The following GAB2 variants were observed in gnomAD, a reference collection of about 807,000 sequenced individuals.
GAB2 encodes GRB2-associated-binding protein 2.
GAB2 carries 26 observed loss-of-function variants against 65.5 expected under a neutral mutation model. That is an observed-to-expected ratio of 0.40 (90% CI 0.29 to 0.55). The LOEUF (loss-of-function observed/expected upper bound fraction) is 0.55, where lower values mean the gene tolerates loss of function less well. Ranked by LOEUF, GAB2 falls within the 20% of genes least tolerant of loss-of-function variation. The pLI is 0.53. For synonymous variants in GAB2, 321 were observed against 329.6 expected (o/e 0.97, Z 0.28); for missense variants, 884 against 875.8 (o/e 1.01, Z -0.12).
intron 1 of GAB2, among the ~76,000 whole-genome samples, chr11:78,323,790 CTTTTTTTTT>C (rs749282969): frequency 6.2e-4 from 48 of 77,264 alleles, no homozygotes; most frequent in African/African-American, 1.0e-3. Flanking sequence ...CTGAATCTTT[CTTTTTTTTT>C]TTTTTTTTTT....
chr11:78,389,754 A>T (rs1331446779), intron 1 of GAB2, among the ~76,000 whole-genome samples: 1 of 152,228 alleles, frequency 6.6e-6, no homozygotes, highest in East Asian at 1.9e-4. Context: ...TGTTATTTTC[A>T]AAACAGAATT....
chr11:78,296,097 T>C (rs1455996933), intron 1 of GAB2, among the ~76,000 whole-genome samples: 1 of 152,198 alleles, frequency 6.6e-6, no homozygotes, highest in Non-Finnish European at 1.5e-5. Flanking sequence ...CAGTTCACAA[T>C]AGAGTTTACT....
chr11:78,238,206 C>CAAAAA (rs10541492), intron 3 of GAB2, among the ~76,000 whole-genome samples: 1,591 of 103,146 alleles, frequency 0.015, no homozygotes, highest in Non-Finnish European at 0.022. Flanking sequence ...AGGGAAGAAA[C>CAAAAA]AAAAAAAAAA....
At chr11:78,414,554 G>A (rs1428599464) in intron 1 of GAB2, among the ~76,000 whole-genome samples, 5 of 151,984 alleles carry the variant, frequency 3.3e-5, no homozygotes, top group East Asian at 3.9e-4. Flanking sequence ...ATACATGTAC[G>A]TGTGTATGCA....
chr11:78,350,253 C>T lies in GAB2; in HGVS notation c.75+67393G>A, dbSNP rs1259817509. Among the ~76,000 whole-genome samples, 6 of 152,278 alleles carry T rather than the reference C, an allele frequency of 3.9e-5. No individual in the cohort carries two copies. The East Asian group carries it at 1.2e-3, about 29-fold the overall frequency. On this transcript the variant is annotated intron_variant, in intron 1 of 9. Transcript: ENST00000361507. ...GAGAGAGAAACCCTGGGAAACTAGG[C>T]TCTAGCGGGTAGCTCAGGAGGGGAA...
At chr11:78,306,295 C>A (rs10793298) in intron 1 of GAB2, among the ~76,000 whole-genome samples, 43,842 of 151,916 alleles carry the variant, frequency 0.29, 8,027 homozygotes, top group African/African-American at 0.51. Context: ...CAGTGGTGCG[C>A]CCTTGGCTCA....
intron 7 of GAB2, 60 bp from the exon 8 acceptor site, chr11:78,221,839 G>T: frequency 8.2e-7 from 1 of 1,215,598 alleles, no homozygotes; most frequent in Non-Finnish European, 1.2e-6. Flanking sequence ...CATGTTTCTA[G>T]CCTCCAGCTG....
Position 78,219,264 on chromosome 11 carries a change from C to T in GAB2, c.*8G>A, listed in dbSNP as rs2134448645. Reference sequence around the variant, plus strand: ...TGCTGCCTCCTGGGCTCTGCGGTGGCCCTCTCATCACAGCTTGGCACCCTT... The same window carrying T: ...TGCTGCCTCCTGGGCTCTGCGGTGGTCCTCTCATCACAGCTTGGCACCCTT... On this transcript the variant is annotated 3_prime_UTR_variant, in exon 10 of 10. Coordinates refer to ENST00000361507, the MANE Select transcript of GAB2 (RefSeq NM_080491.3). 6.2e-7 allele frequency: 1 copy of T among 1,612,224 alleles called. No homozygotes were observed. Among genetic ancestry groups the T allele is most frequent in the South Asian group, 1.1e-5 (1 of 90,976 alleles).
At chr11:78,268,144 A>G (rs558069324) in intron 2 of GAB2, among the ~76,000 whole-genome samples, 14 of 152,268 alleles carry the variant, frequency 9.2e-5, no homozygotes, top group Middle Eastern at 6.8e-3. Context: ...TGCTATACTC[A>G]AAGTGGCTCC....
In GAB2 at chr11:78,244,428, TA is replaced by T. The variant is rs1392111379; in HGVS notation, c.620+5728del. Among the ~76,000 whole-genome samples the T allele has an allele frequency of 4.6e-5, 7 of 151,776 alleles. No homozygotes were observed. The East Asian group carries it at 1.4e-3, about 29-fold the overall frequency. On this transcript the variant is annotated intron_variant, in intron 3 of 9. Coordinates refer to ENST00000361507, the MANE Select transcript of GAB2 (RefSeq NM_080491.3). ...AAAAAAAAGACAAATGGGACTATAT[TA>T]AACTAAAAATCTTCTGCACAGCAAA...
intron 1 of GAB2, among the ~76,000 whole-genome samples, chr11:78,382,788 T>G (rs533949150): frequency 6.6e-6 from 1 of 152,308 alleles, no homozygotes; most frequent in African/African-American, 2.4e-5. Flanking sequence ...CCCTGTAGAT[T>G]TGAGAGCAGA....
At chr11:78,393,925 G>C (rs1856863488) in intron 1 of GAB2, among the ~76,000 whole-genome samples, 1 of 152,202 alleles carries the variant, frequency 6.6e-6, no homozygotes, top group Non-Finnish European at 1.5e-5. Context: ...ACAGAGAGGA[G>C]GTGAGTTCCC....
rs112460209 is a variant in GAB2 at position 78,279,639 on chromosome 11, C to T, written c.376+962G>A. Among the ~76,000 whole-genome samples, 1,405 of 152,210 alleles carry T rather than the reference C, an allele frequency of 9.2e-3. 33 individuals are homozygous for T. The highest frequency in any genetic ancestry group is 0.032 in the African/African-American group (1,341 of 41,522). ...CTCACACTGTCACTCTCAGTCACCA[C>T]CAATGTACTTTCTGTCTCTGTGGAT... is the stretch of plus-strand genomic sequence containing the variant. On this transcript the variant is annotated intron_variant, in intron 2 of 9. Coordinates refer to ENST00000361507, the MANE Select transcript of GAB2 (RefSeq NM_080491.3).
At chr11:78,304,556 C>T (rs1855308540) in intron 1 of GAB2, among the ~76,000 whole-genome samples, 1 of 152,126 alleles carries the variant, frequency 6.6e-6, no homozygotes, top group Non-Finnish European at 1.5e-5. Flanking sequence ...AATATTTTTC[C>T]TGAAGTTTCT....
intron 1 of GAB2, among the ~76,000 whole-genome samples, chr11:78,315,903 A>C (rs1018954639): frequency 3.9e-5 from 6 of 152,164 alleles, no homozygotes; most frequent in Admixed American, 6.5e-5. Flanking sequence ...GAGTCAGTGT[A>C]CTGAGAAAGG....
chr11:78,317,660 A>G (rs1253926612), intron 1 of GAB2, among the ~76,000 whole-genome samples: 1 of 152,068 alleles, frequency 6.6e-6, no homozygotes, highest in East Asian at 1.9e-4. Context: ...AAAAAGTAAC[A>G]TATATTAAGC....
At chr11:78,405,755 T>C (rs1429128464) in intron 1 of GAB2, among the ~76,000 whole-genome samples, 1 of 152,204 alleles carries the variant, frequency 6.6e-6, no homozygotes, top group Non-Finnish European at 1.5e-5. Flanking sequence ...GACACAGTGA[T>C]AAATTCCATG....
In GAB2 at chr11:78,219,298, C is replaced by G. The variant is rs2134448887; in HGVS notation, c.2005G>C (p.Glu669Gln). Residue 669 changes from glutamate to glutamine, a missense_variant, in exon 10 of 10, where the codon GAG becomes CAG. Coordinates refer to ENST00000361507, the MANE Select transcript of GAB2 (RefSeq NM_080491.3). ...QEWTDVRQSS[E>Q]PSKGAKL ...CACAGCTTGGCACCCTTGGAAGGCT[C>G]TGAGGACTGCCGCACGTCTGTCCAC... The G allele has an allele frequency of 1.2e-6, 2 of 1,613,766 alleles. No homozygotes were observed. The highest frequency in any genetic ancestry group is 1.7e-6 in the Non-Finnish European group (2 of 1,179,998).
At chr11:78,396,877 G>A (rs1311202131) in intron 1 of GAB2, among the ~76,000 whole-genome samples, 7 of 152,280 alleles carry the variant, frequency 4.6e-5, no homozygotes, top group South Asian at 2.1e-4. Context: ...GATCACAGGC[G>A]TGAGCCACTG....
Sources: gnomAD v4.1 joint callset for allele counts (sites outside exome capture counted in the v4.1 genomes callset) on GRCh38, gnomAD v4.1.1 for gene constraint, MANE v1.5 for transcripts, NCBI Gene and HGNC (gene_info 2026-07-23, HGNC 2026-07-21) for gene names.